Variants in SGCZ observed in about 807,000 individuals in gnomAD.
SGCZ encodes the protein sarcoglycan zeta.
SGCZ carries 40 observed loss-of-function variants against 41.3 expected under a neutral mutation model. The ratio of observed to expected loss-of-function variants is 0.97; its 90% CI spans 0.75 to 1.26. The LOEUF (loss-of-function observed/expected upper bound fraction) is 1.26, where lower values mean the gene tolerates loss of function less well. SGCZ is among the 50% of genes most tolerant of loss of function. SGCZ has a pLI of 0.00. For synonymous variants in SGCZ, 206 were observed against 137.5 expected, an observed-to-expected ratio of 1.50 and a Z score of -3.49; for missense variants, 552 against 369.8, an observed-to-expected ratio of 1.49 and a Z score of -4.04.
At chr8:15,148,709 G>C (rs889356108) in intron 1 of SGCZ, among the ~76,000 whole-genome samples, 1 of 152,132 alleles carries the variant, frequency 6.6e-6, no homozygotes, top group Non-Finnish European at 1.5e-5. Context: ...ACACTGATAC[G>C]AGTTCTCCAA....
intron 1 of SGCZ, among the ~76,000 whole-genome samples, chr8:15,051,174 GA>G (rs1804499902): frequency 6.6e-6 from 1 of 152,132 alleles, no homozygotes; most frequent in Non-Finnish European, 1.5e-5. Context: ...GCATCCAAAT[GA>G]AAAGGGAATG....
intron 1 of SGCZ, among the ~76,000 whole-genome samples, chr8:14,828,047 C>T (rs570617815): frequency 6.6e-6 from 1 of 152,298 alleles, no homozygotes; most frequent in East Asian, 1.9e-4. Context: ...CACTGAGAAG[C>T]TGCTGATCAC....
At chr8:14,664,628 G>A (rs1293162892) in intron 1 of SGCZ, among the ~76,000 whole-genome samples, 2 of 152,166 alleles carry the variant, frequency 1.3e-5, no homozygotes, top group East Asian at 3.9e-4. Context: ...ACCAACTAGT[G>A]GGACTAATTA....
chr8:14,660,386 A>C (rs909194279), intron 1 of SGCZ, among the ~76,000 whole-genome samples: 2 of 151,906 alleles, frequency 1.3e-5, no homozygotes, highest in African/African-American at 4.8e-5. Flanking sequence ...AGCCTAGGCA[A>C]CATGGTGAAA....
chr8:14,127,251 G>T (rs1198639244), intron 5 of SGCZ, among the ~76,000 whole-genome samples: 1 of 152,106 alleles, frequency 6.6e-6, no homozygotes, highest in African/African-American at 2.4e-5. Context: ...GCCACTGATA[G>T]CTGTGTGTAT....
chr8:14,835,577 G>A (rs373678316), intron 1 of SGCZ, among the ~76,000 whole-genome samples: 2 of 152,138 alleles, frequency 1.3e-5, no homozygotes, highest in African/African-American at 4.8e-5. Flanking sequence ...TCATTAATGA[G>A]AGTGTTAAAT....
chr8:14,133,671 T>C (rs1803109283), intron 5 of SGCZ, among the ~76,000 whole-genome samples: 1 of 152,204 alleles, frequency 6.6e-6, no homozygotes, highest in African/African-American at 2.4e-5. Flanking sequence ...ACTATTTTTT[T>C]TAATCAGTGT....
intron 6 of SGCZ, among the ~76,000 whole-genome samples, chr8:14,103,522 G>A (rs1802101392): frequency 6.6e-6 from 1 of 152,136 alleles, no homozygotes; most frequent in Non-Finnish European, 1.5e-5. Context: ...TTTGCAGAAA[G>A]AACCACCTCA....
chr8:14,641,801 T>C (rs1422445669), intron 1 of SGCZ, among the ~76,000 whole-genome samples: 1 of 151,636 alleles, frequency 6.6e-6, no homozygotes, highest in African/African-American at 2.4e-5. Flanking sequence ...TCTTTCCCAT[T>C]CTTATAATCC....
intron 1 of SGCZ, among the ~76,000 whole-genome samples, chr8:15,057,132 C>T (rs1278633811): frequency 6.6e-6 from 1 of 152,192 alleles, no homozygotes; most frequent in African/African-American, 2.4e-5. Context: ...CAGCACTAGG[C>T]TGGAGCACAG....
chr8:14,571,652 T>C (rs1163970509), intron 1 of SGCZ, among the ~76,000 whole-genome samples: 1 of 152,222 alleles, frequency 6.6e-6, no homozygotes, highest in Non-Finnish European at 1.5e-5. Context: ...TATTCCAAGC[T>C]ATAATATTTA....
intron 4 of SGCZ, among the ~76,000 whole-genome samples, chr8:14,166,574 G>C (rs1000282086): frequency 6.6e-6 from 1 of 152,058 alleles, no homozygotes; most frequent in African/African-American, 2.4e-5. Flanking sequence ...ACAGTACATT[G>C]CTTCCTTCAA....
chr8:14,201,277 T>C (rs961458697), intron 4 of SGCZ, among the ~76,000 whole-genome samples: 3 of 152,152 alleles, frequency 2.0e-5, no homozygotes, highest in Non-Finnish European at 2.9e-5. Context: ...CAGGTATTTA[T>C]GTCATCAAAT....
chr8:14,600,195 C>G (rs754692728), intron 1 of SGCZ, among the ~76,000 whole-genome samples: 8 of 152,236 alleles, frequency 5.3e-5, no homozygotes, highest in Middle Eastern at 3.4e-3. Context: ...TATTCTGCCT[C>G]CCTGCCTTGT....
chr8:15,174,007 C>T (rs1021463394), intron 1 of SGCZ, among the ~76,000 whole-genome samples: 17 of 152,302 alleles, frequency 1.1e-4, no homozygotes, highest in African/African-American at 3.6e-4. Flanking sequence ...CAGGTGTGAG[C>T]CACTGCACCC....
At chr8:14,244,663 A>G (rs1799020438) in intron 3 of SGCZ, among the ~76,000 whole-genome samples, 1 of 151,560 alleles carries the variant, frequency 6.6e-6, no homozygotes, top group South Asian at 2.1e-4. Context: ...GATGGCATAG[A>G]ATCTATAAAT....
intron 2 of SGCZ, among the ~76,000 whole-genome samples, chr8:14,531,773 A>G (rs573556165): frequency 6.6e-6 from 1 of 152,158 alleles, no homozygotes; most frequent in East Asian, 1.9e-4. Context: ...ACCATATCCC[A>G]AACTTCTAAG....
chr8:14,171,167 A>G (rs954165093), intron 4 of SGCZ, among the ~76,000 whole-genome samples: 5 of 139,728 alleles, frequency 3.6e-5, no homozygotes, highest in Admixed American at 7.2e-5. Flanking sequence ...AAAAAAAAAA[A>G]CTAACACCTC....
chr8:14,948,863 C>G (rs1164971813), intron 1 of SGCZ, among the ~76,000 whole-genome samples: 2 of 125,878 alleles, frequency 1.6e-5, no homozygotes, highest in African/African-American at 6.2e-5. Context: ...TTCTTTAACC[C>G]TGTTACAGCT....
Sources: allele counts gnomAD v4.1 joint callset (sites outside exome capture counted in the v4.1 genomes callset), GRCh38; gene constraint gnomAD v4.1.1; transcripts MANE v1.5; gene names NCBI Gene and HGNC (gene_info 2026-07-23, HGNC 2026-07-21).